The following UVRAG variants were observed in gnomAD, a reference collection of about 807,000 sequenced individuals.
The protein encoded by UVRAG is UV radiation resistance associated, also known as UV radiation resistance-associated gene protein.
In UVRAG, 19 loss-of-function variants were observed where a neutral mutation model predicts 78.0. The ratio of observed to expected loss-of-function variants is 0.24; its 90% CI spans 0.17 to 0.36. UVRAG has a LOEUF of 0.36. Ranked by LOEUF, UVRAG falls within the 10% of genes least tolerant of loss-of-function variation. The probability of loss-of-function intolerance (pLI) is 1.00; values close to 1 mark genes in which losing one functional copy is unlikely to be tolerated. For synonymous variants in UVRAG, 323 were observed against 324.6 expected (o/e 1.00, Z 0.05); for missense variants, 740 against 853.8 (o/e 0.87, Z 1.66).
chr11:76,140,808 CCAGA>C lies in UVRAG; in HGVS notation c.1498_1501del (p.Asp500LysfsTer27). 1 of 1,614,118 alleles carries C rather than the reference CCAGA, an allele frequency of 6.2e-7. No individual in the cohort carries two copies. The highest frequency in any genetic ancestry group is 8.5e-7 in the Non-Finnish European group (1 of 1,180,024). ...AGGCTTCTCTGGGGGGATCCCTTCA[CCAGA>C]CAAAGGACATCGAAAACGGGCCAGC... On this transcript the variant is annotated frameshift_variant, in exon 15 of 15. Coordinates refer to ENST00000356136, the MANE Select transcript of UVRAG (RefSeq NM_003369.4). LOFTEE classifies it high-confidence loss of function.
At chr11:75,991,028 GA>G (rs1949596255) in intron 8 of UVRAG, among the ~76,000 whole-genome samples, 1 of 152,166 alleles carries the variant, frequency 6.6e-6, no homozygotes, top group Non-Finnish European at 1.5e-5. Flanking sequence ...ACTCTTATGA[GA>G]AAGACTGCAG....
Position 76,121,655 on chromosome 11 carries a change from G to A in UVRAG, c.1397+5640G>A, listed in dbSNP as rs77684059. 9.9e-5 allele frequency among the ~76,000 whole-genome samples: 15 copies of A among 152,232 alleles called. No homozygotes were observed. The East Asian group carries it at 2.5e-3, about 25-fold the overall frequency. On this transcript the variant is annotated intron_variant, in intron 14 of 14. Transcript: ENST00000356136. ...CATCCAGGTCCTCAGGCAGTGCCTC[G>A]ATTTTGTCTCTCCACCACTCTCCCA...
At chr11:75,968,358 T>A (rs1949064685) in intron 7 of UVRAG, among the ~76,000 whole-genome samples, 1 of 152,298 alleles carries the variant, frequency 6.6e-6, no homozygotes, top group South Asian at 2.1e-4. Context: ...AGTAAACAGA[T>A]AAATAGAACA....
At chr11:76,052,808 T>G (rs1166766946) in intron 12 of UVRAG, among the ~76,000 whole-genome samples, 1 of 152,114 alleles carries the variant, frequency 6.6e-6, no homozygotes, top group Non-Finnish European at 1.5e-5. Context: ...ATACCATTTC[T>G]TTAGGCCATC....
intron 13 of UVRAG, among the ~76,000 whole-genome samples, chr11:76,100,380 T>C (rs1016582020): frequency 1.3e-5 from 2 of 152,124 alleles, no homozygotes; most frequent in African/African-American, 2.4e-5. Flanking sequence ...TGACACATAG[T>C]AGATACACAA....
intron 8 of UVRAG, among the ~76,000 whole-genome samples, chr11:75,999,896 GA>G (rs367997359): frequency 2.0e-5 from 3 of 151,702 alleles, no homozygotes; most frequent in Non-Finnish European, 4.4e-5. Context: ...TCCAAAATCT[GA>G]AAAAAAATTA....
chr11:75,977,114 A>G (rs1205896588), intron 7 of UVRAG, among the ~76,000 whole-genome samples: 1 of 152,090 alleles, frequency 6.6e-6, no homozygotes, highest in Non-Finnish European at 1.5e-5. Context: ...TTCTGCCTTC[A>G]TTTCATTATG....
rs931027880 is a variant in UVRAG at position 75,942,867 on chromosome 11, A to G, written c.594-18577A>G. Among the ~76,000 whole-genome samples the G allele has an allele frequency of 2.0e-5, 3 of 152,254 alleles. No individual in the cohort carries two copies. In the South Asian group the frequency reaches 6.2e-4, roughly 32 times the overall value. ...TAAAGCAGCATGAAAGGTCCTTTGT[A>G]TCCTTAGTTTATGAGCCTTAAAACA... On this transcript the variant is annotated intron_variant, in intron 6 of 14. Transcript: ENST00000356136.
intron 1 of UVRAG, among the ~76,000 whole-genome samples, chr11:75,836,986 T>C (rs1945791208): frequency 6.6e-6 from 1 of 152,076 alleles, no homozygotes; most frequent in Admixed American, 6.6e-5. Context: ...TATCCTCAGG[T>C]GATTCACTCC....
intron 12 of UVRAG, among the ~76,000 whole-genome samples, chr11:76,036,458 A>T (rs1591160853): frequency 1.3e-5 from 2 of 152,120 alleles, no homozygotes; most frequent in Non-Finnish European, 2.9e-5. Context: ...GGATCACTTG[A>T]GCCCAGGAGG....
At chr11:76,134,161 A>T (rs187834685) in intron 14 of UVRAG, among the ~76,000 whole-genome samples, 2 of 149,890 alleles carry the variant, frequency 1.3e-5, no homozygotes, top group Non-Finnish European at 3.0e-5. Context: ...GGGTTTTGCC[A>T]TGTTGGCCAG....
At chr11:76,004,360 T>C (rs1949883625) in intron 9 of UVRAG, among the ~76,000 whole-genome samples, 1 of 152,186 alleles carries the variant, frequency 6.6e-6, no homozygotes. Context: ...CGTGGTTTAA[T>C]GTTTGAATTT....
chr11:76,121,372 G>A (rs565454213), intron 14 of UVRAG, among the ~76,000 whole-genome samples: 1 of 152,270 alleles, frequency 6.6e-6, no homozygotes, highest in African/African-American at 2.4e-5. Context: ...CAGAATTTCA[G>A]CTTAGAATCT....
intron 6 of UVRAG, among the ~76,000 whole-genome samples, chr11:75,918,400 CA>C (rs1328145238): frequency 2.0e-5 from 3 of 150,034 alleles, no homozygotes; most frequent in Non-Finnish European, 4.4e-5. Flanking sequence ...AAAAAAGATA[CA>C]TGAATTTTCT....
intron 12 of UVRAG, among the ~76,000 whole-genome samples, chr11:76,019,107 A>G (rs1399230731): frequency 6.6e-5 from 10 of 152,150 alleles, no homozygotes; most frequent in Non-Finnish European, 1.5e-5. Context: ...TTCTTGATCA[A>G]TTCTGCTATT....
At chr11:76,056,212 GCTT>G (rs1950982409) in intron 12 of UVRAG, among the ~76,000 whole-genome samples, 1 of 152,124 alleles carries the variant, frequency 6.6e-6, no homozygotes, top group Admixed American at 6.5e-5. Context: ...TTTACATAAG[GCTT>G]CTTTCACTTG....
chr11:75,950,790 A>G (rs1948677419), intron 6 of UVRAG, among the ~76,000 whole-genome samples: 1 of 152,142 alleles, frequency 6.6e-6, no homozygotes, highest in Non-Finnish European at 1.5e-5. Flanking sequence ...TTTTACTTTT[A>G]TAATGACTAA....
At chr11:75,850,532 CAAT>C (rs1946133569) in intron 1 of UVRAG, among the ~76,000 whole-genome samples, 1 of 152,102 alleles carries the variant, frequency 6.6e-6, no homozygotes, top group South Asian at 2.1e-4. Context: ...GCTTTGAACA[CAAT>C]GATGGGATGT....
intron 13 of UVRAG, among the ~76,000 whole-genome samples, chr11:76,077,032 G>T (rs1951416586): frequency 1.3e-5 from 2 of 149,944 alleles, no homozygotes; most frequent in East Asian, 3.9e-4. Context: ...AAAAAAAGAT[G>T]TCTATTGAAA....
Sources: gnomAD v4.1 joint callset for allele counts (sites outside exome capture counted in the v4.1 genomes callset) on GRCh38, gnomAD v4.1.1 for gene constraint, MANE v1.5 for transcripts, NCBI Gene and HGNC (gene_info 2026-07-23, HGNC 2026-07-21) for gene names.